The following VTI1A variants were observed in gnomAD, a reference collection of about 807,000 sequenced individuals.
The protein encoded by VTI1A is vesicle transport through interaction with t-SNAREs 1A, also known as vesicle transport through interaction with t-SNAREs homolog 1A.
In VTI1A, 22 loss-of-function variants were observed where a neutral mutation model predicts 34.9. The observed-to-expected ratio is 0.63, with a 90% confidence interval of 0.45 to 0.90. The LOEUF is 0.90. Ranked by LOEUF, VTI1A falls within the 40% of genes least tolerant of loss-of-function variation. VTI1A has a pLI of 0.00. For synonymous variants in VTI1A, 87 were observed against 97.3 expected (o/e 0.89, Z 0.62); for missense variants, 268 against 275.6 (o/e 0.97, Z 0.20).
At chr10:112,643,782 G>A (rs982381574) in intron 5 of VTI1A, among the ~76,000 whole-genome samples, 9 of 152,100 alleles carry the variant, frequency 5.9e-5, no homozygotes, top group African/African-American at 1.7e-4. Flanking sequence ...ATAACTAGCC[G>A]AATTAGGAAA....
At chr10:112,572,365 TA>T (rs1245186475) in intron 5 of VTI1A, among the ~76,000 whole-genome samples, 1 of 152,190 alleles carries the variant, frequency 6.6e-6, no homozygotes, top group Non-Finnish European at 1.5e-5. Context: ...TTTAAATTCT[TA>T]AAAAGGTTTG....
chr10:112,663,463 TGCATCTTTCTGTG>T (rs1250066922), intron 5 of VTI1A, among the ~76,000 whole-genome samples: 1 of 152,252 alleles, frequency 6.6e-6, no homozygotes. Context: ...AATGGTAATT[TGCATCTTTCTGTG>T]GCATCTTTCT....
At chr10:112,679,109 T>A (rs1848128092) in intron 7 of VTI1A, among the ~76,000 whole-genome samples, 1 of 152,184 alleles carries the variant, frequency 6.6e-6, no homozygotes, top group Non-Finnish European at 1.5e-5. Flanking sequence ...AATGGCTCCT[T>A]TTCATGATTG....
At chr10:112,447,493 G>C in intron 1 of VTI1A, 26 bp downstream of exon 1, 1 of 1,610,332 alleles carries the variant, frequency 6.2e-7, no homozygotes, top group Non-Finnish European at 8.5e-7. Context: ...GGCTGGACGA[G>C]GGTGCTGGGG....
At chr10:112,781,195 T>C (rs1413783753) in intron 7 of VTI1A, among the ~76,000 whole-genome samples, 2 of 152,026 alleles carry the variant, frequency 1.3e-5, no homozygotes, top group Non-Finnish European at 2.9e-5. Context: ...TCTACCCGCC[T>C]CGGCCTCCCA....
At chr10:112,781,405 C>T (rs1176153135) in intron 7 of VTI1A, among the ~76,000 whole-genome samples, 2 of 152,168 alleles carry the variant, frequency 1.3e-5, no homozygotes, top group Admixed American at 6.5e-5. Flanking sequence ...AGCATCAGAG[C>T]TAGGCCACAC....
At chr10:112,693,618 T>C (rs771683539) in intron 7 of VTI1A, among the ~76,000 whole-genome samples, 5 of 152,194 alleles carry the variant, frequency 3.3e-5, no homozygotes, top group Non-Finnish European at 5.9e-5. Context: ...ACCTTCACCA[T>C]GTAAAATGTA....
At chr10:112,641,659 C>T (rs1171009730) in intron 5 of VTI1A, among the ~76,000 whole-genome samples, 4 of 152,210 alleles carry the variant, frequency 2.6e-5, no homozygotes, top group African/African-American at 9.6e-5. Context: ...TCTCTATTAC[C>T]TTTAGTATCC....
the VTI1A span, among the ~76,000 whole-genome samples, chr10:112,844,780 C>A: frequency 1.3e-5 from 2 of 152,226 alleles, no homozygotes; most frequent in African/African-American, 4.8e-5. Flanking sequence ...GATATTCACC[C>A]TTTCCCTCCT....
intron 7 of VTI1A, among the ~76,000 whole-genome samples, chr10:112,746,251 C>T (rs1850892285): frequency 6.6e-6 from 1 of 152,216 alleles, no homozygotes; most frequent in Non-Finnish European, 1.5e-5. Context: ...TGTTGCTCCT[C>T]ATTCATCTGG....
intron 7 of VTI1A, among the ~76,000 whole-genome samples, chr10:112,760,699 GCCAACATGGTGAAACC>G (rs1265428894): frequency 6.6e-6 from 1 of 152,084 alleles, no homozygotes; most frequent in East Asian, 1.9e-4. Context: ...GACCAGGCTG[GCCAACATGGTGAAACC>G]CCATCTCTAC....
Position 112,683,283 on chromosome 10 carries a change from A to G in VTI1A, c.560+14285A>G, listed in dbSNP as rs77777142. On this transcript the variant is annotated intron_variant, in intron 7 of 7. Coordinates refer to ENST00000393077, the MANE Select transcript of VTI1A (RefSeq NM_145206.4). ...CCAAACACTGGGCTAAGTACTAGGG[A>G]TGAGAGTGTAACATATAACAAGGTC... Among the ~76,000 whole-genome samples, 115 of 152,292 alleles carry G rather than the reference A, an allele frequency of 7.6e-4. 1 individual carries two copies. Among genetic ancestry groups the G allele is most frequent in the East Asian group, 4.8e-3 (25 of 5,192 alleles).
chr10:112,713,191 C>T (rs956040491), intron 7 of VTI1A, among the ~76,000 whole-genome samples: 1 of 152,114 alleles, frequency 6.6e-6, no homozygotes, highest in Non-Finnish European at 1.5e-5. Context: ...TCTCTCTGAC[C>T]ACCACGATGC....
chr10:112,612,200 C>T (rs1589973016), intron 5 of VTI1A, among the ~76,000 whole-genome samples: 1 of 152,086 alleles, frequency 6.6e-6, no homozygotes, highest in Non-Finnish European at 1.5e-5. Context: ...TTTCTATTAT[C>T]AATCGGGTAC....
At chr10:112,852,263 C>T in the VTI1A span, among the ~76,000 whole-genome samples, 1 of 152,172 alleles carries the variant, frequency 6.6e-6, no homozygotes, top group Non-Finnish European at 1.5e-5. Flanking sequence ...GATTCCTACA[C>T]CTCTAATTCT....
At position 112,817,380 on chromosome 10, in the gene VTI1A, G is replaced by A. The variant is rs182278361; in HGVS notation, c.*1997G>A. 21 of 232,392 alleles carry A rather than the reference G, an allele frequency of 9.0e-5. 1 individual carries two copies. The highest frequency in any genetic ancestry group is 2.2e-4 in the African/African-American group (10 of 45,416). The allele number at this position is 232,392 out of a possible 1,614,324, so 14.4% of individuals were successfully genotyped here. Reference sequence around the variant, plus strand: ...CCTGAATATTTCACTGAATCCTGGCGTTCATGTTGAAGCAGACAAAATGAG... The same window carrying A: ...CCTGAATATTTCACTGAATCCTGGCATTCATGTTGAAGCAGACAAAATGAG... On this transcript the variant is annotated 3_prime_UTR_variant, in exon 8 of 8. Coordinates refer to ENST00000393077, the MANE Select transcript of VTI1A (RefSeq NM_145206.4).
At chr10:112,685,416 A>T (rs11813272) in intron 7 of VTI1A, among the ~76,000 whole-genome samples, 49,988 of 151,950 alleles carry the variant, frequency 0.33, 8,506 homozygotes, top group South Asian at 0.48. Context: ...TGGTTATGTG[A>T]GTATTAATGC....
chr10:112,484,166 T>C (rs1306086264), intron 3 of VTI1A, among the ~76,000 whole-genome samples: 1 of 152,216 alleles, frequency 6.6e-6, no homozygotes, highest in African/African-American at 2.4e-5. Context: ...TGACTTTGGG[T>C]GTCAGCTCTA....
chr10:112,837,178 A>C, the VTI1A span, among the ~76,000 whole-genome samples: 1 of 152,074 alleles, frequency 6.6e-6, no homozygotes, highest in African/African-American at 2.4e-5. Context: ...AAATTAGCTG[A>C]GTGTGGTGTG....
Sources: gnomAD v4.1 joint callset for allele counts (sites outside exome capture counted in the v4.1 genomes callset) on GRCh38, gnomAD v4.1.1 for gene constraint, MANE v1.5 for transcripts, NCBI Gene and HGNC (gene_info 2026-07-23, HGNC 2026-07-21) for gene names.